Variants in TLN2 observed in about 807,000 individuals in gnomAD.
TLN2 encodes the protein talin-2.
In TLN2, 118 loss-of-function variants were observed where a neutral mutation model predicts 294.7. The ratio of observed to expected loss-of-function variants is 0.40; its 90% CI spans 0.34 to 0.47. The LOEUF (loss-of-function observed/expected upper bound fraction) is 0.47. TLN2 is among the 20% of genes least tolerant of loss of function. TLN2 has a pLI of 0.84. For synonymous variants in TLN2, 1,431 were observed against 1,304.5 expected (o/e 1.10, Z -2.09); for missense variants, 3,083 against 3,282.2 (o/e 0.94, Z 1.48).
chr15:62,675,370 T>C, intron 11 of TLN2, 49 bp downstream of exon 11: 1 of 1,590,536 alleles, frequency 6.3e-7, no homozygotes, highest in Non-Finnish European at 8.6e-7. Context: ...CCTTCTTTTT[T>C]CTTTTGTTCA....
At chr15:62,574,579 CAAAAAAAAAAAAAAAAAAAAA>C (rs56279063) in intron 1 of TLN2, among the ~76,000 whole-genome samples, 2,895 of 46,458 alleles carry the variant, frequency 0.062, 161 homozygotes, top group African/African-American at 0.19. Context: ...GACCCTGTCT[CAAAAAAAAAAAAAAAAAAAAA>C]AAAAAAAAAA....
At position 62,825,749 on chromosome 15, in the gene TLN2, A is replaced by ATATATTAT. The variant is rs1491503641; in HGVS notation, c.7002+5139_7002+5140insTATATTAT. ...ATAAAAATATATTTTTATATATATT[A>ATATATTAT]AATATAATTATAATTATATATTATA... is the stretch of plus-strand genomic sequence containing the variant. On this transcript the variant is annotated intron_variant, in intron 54 of 58. Coordinates refer to ENST00000636159, the MANE Select transcript of TLN2 (RefSeq NM_015059.3). 1.3e-4 allele frequency among the ~76,000 whole-genome samples: 14 copies of ATATATTAT among 107,260 alleles called. 3 individuals carry two copies. The highest frequency in any genetic ancestry group is 5.5e-4 in the African/African-American group (13 of 23,688). The allele number at this position is 107,260 out of a possible 152,430, so 70.4% of individuals were successfully genotyped here.
chr15:62,702,912 G>C (rs1595719800), intron 19 of TLN2, 48 bp downstream of exon 19: 2 of 1,530,338 alleles, frequency 1.3e-6, no homozygotes, highest in East Asian at 4.5e-5. Flanking sequence ...CTAAGTGATG[G>C]TCTAGACCCG....
intron 1 of TLN2, among the ~76,000 whole-genome samples, chr15:62,392,777 G>A (rs2032205543): frequency 6.6e-6 from 1 of 152,138 alleles, no homozygotes; most frequent in Non-Finnish European, 1.5e-5. Flanking sequence ...CAGAGGGAGG[G>A]GAGAGGCTTT....
At chr15:62,670,980 G>A (rs1004284505) in intron 9 of TLN2, among the ~76,000 whole-genome samples, 2 of 152,060 alleles carry the variant, frequency 1.3e-5, no homozygotes, top group Admixed American at 1.3e-4. Flanking sequence ...AGCCATCCTC[G>A]CGGGTATGTA....
chr15:62,452,487 TA>T (rs1363599459), intron 1 of TLN2, among the ~76,000 whole-genome samples: 1 of 152,222 alleles, frequency 6.6e-6, no homozygotes, highest in Non-Finnish European at 1.5e-5. Flanking sequence ...TAACCATTTG[TA>T]AGTGTATAGT....
chr15:62,461,121 G>C (rs369698639), intron 1 of TLN2, among the ~76,000 whole-genome samples: 4 of 152,032 alleles, frequency 2.6e-5, no homozygotes, highest in Admixed American at 2.6e-4. Flanking sequence ...GCTAATTTTT[G>C]TATTTTTTAG....
intron 9 of TLN2, among the ~76,000 whole-genome samples, chr15:62,667,498 T>C (rs1411352080): frequency 6.6e-6 from 1 of 152,184 alleles, no homozygotes; most frequent in Non-Finnish European, 1.5e-5. Context: ...GTGGATACTC[T>C]GCTGCTTTGT....
intron 12 of TLN2, among the ~76,000 whole-genome samples, chr15:62,687,270 T>C (rs2057363538): frequency 6.6e-6 from 1 of 152,184 alleles, no homozygotes; most frequent in Admixed American, 6.5e-5. Flanking sequence ...TTTAGGATAG[T>C]ATTATTATAG....
chr15:62,598,712 T>G (rs898025139), intron 2 of TLN2, among the ~76,000 whole-genome samples: 1 of 151,754 alleles, frequency 6.6e-6, no homozygotes, highest in African/African-American at 2.4e-5. Flanking sequence ...AATCAACTTT[T>G]CTCTCCATTC....
At chr15:62,548,299 T>C (rs762338838) in intron 1 of TLN2, among the ~76,000 whole-genome samples, 1 of 152,124 alleles carries the variant, frequency 6.6e-6, no homozygotes, top group Non-Finnish European at 1.5e-5. Flanking sequence ...GGGACAGTTA[T>C]AGAGTCTTAC....
At chr15:62,792,527 G>C in intron 45 of TLN2, 114 bp from the exon 46 acceptor site, 1 of 1,413,216 alleles carries the variant, frequency 7.1e-7, no homozygotes, top group Non-Finnish European at 9.5e-7. Context: ...AATAGGAGTG[G>C]AATTTTCCTA....
intron 44 of TLN2, among the ~76,000 whole-genome samples, chr15:62,781,895 A>G (rs555276521): frequency 6.6e-6 from 1 of 152,354 alleles, no homozygotes; most frequent in South Asian, 2.1e-4. Context: ...TCTTAGATAT[A>G]AATGGCATTG....
At chr15:62,491,944 C>G (rs1386536388) in intron 1 of TLN2, among the ~76,000 whole-genome samples, 1 of 152,064 alleles carries the variant, frequency 6.6e-6, no homozygotes, top group African/African-American at 2.4e-5. Flanking sequence ...AATAATTGGC[C>G]TCTGAGAATT....
chr15:62,492,390 C>T lies in TLN2; in HGVS notation c.-237-97297C>T, dbSNP rs555154388. Among the ~76,000 whole-genome samples the T allele has an allele frequency of 2.1e-4, 32 of 152,062 alleles. No individual in the cohort carries two copies. The East Asian group carries it at 6.2e-3, about 30-fold the overall frequency. On this transcript the variant is annotated intron_variant, in intron 1 of 58. Transcript: ENST00000636159. ...TGGCTAACACGGTGAAACCCCGTCTCTAATAAAAATACAAAAAAATTAGCT... is the reference window on the plus strand; with the variant it reads ...TGGCTAACACGGTGAAACCCCGTCTTTAATAAAAATACAAAAAAATTAGCT...
In TLN2 at chr15:62,450,119, T is replaced by C. The variant is rs546443232; in HGVS notation, c.-238+59434T>C. Among the ~76,000 whole-genome samples, 671 of 152,270 alleles carry C rather than the reference T, an allele frequency of 4.4e-3. 2 individuals carry two copies. Among genetic ancestry groups the C allele is most frequent in the Non-Finnish European group, 8.1e-3 (554 of 68,012 alleles). Reference sequence around the variant, plus strand: ...AGAATCTCTCCTCTGGCTTCCAGGCTCTCTCAGCTTCCAGGCCGGCCTCTC... The same window carrying C: ...AGAATCTCTCCTCTGGCTTCCAGGCCCTCTCAGCTTCCAGGCCGGCCTCTC... On this transcript the variant is annotated intron_variant, in intron 1 of 58. Coordinates refer to ENST00000636159, the MANE Select transcript of TLN2 (RefSeq NM_015059.3).
chr15:62,736,069 T>C (rs2060993390), intron 28 of TLN2, among the ~76,000 whole-genome samples: 2 of 152,046 alleles, frequency 1.3e-5, no homozygotes, highest in African/African-American at 4.8e-5. Context: ...TCCCAGCACT[T>C]TGGGAGGCCG....
intron 45 of TLN2, among the ~76,000 whole-genome samples, chr15:62,785,527 CT>C (rs1201448986): frequency 6.6e-6 from 1 of 152,106 alleles, no homozygotes; most frequent in African/African-American, 2.4e-5. Context: ...TGGTGTGCGC[CT>C]GTAATCCCAG....
intron 20 of TLN2, among the ~76,000 whole-genome samples, chr15:62,707,949 C>G (rs1204922966): frequency 6.6e-6 from 1 of 151,994 alleles, no homozygotes; most frequent in African/African-American, 2.4e-5. Context: ...TTGTATAGAT[C>G]TGTGATCTGG....
Sources: gnomAD v4.1 joint callset for allele counts (sites outside exome capture counted in the v4.1 genomes callset) on GRCh38, gnomAD v4.1.1 for gene constraint, MANE v1.5 for transcripts, NCBI Gene and HGNC (gene_info 2026-07-23, HGNC 2026-07-21) for gene names.